Variants in PTPRT observed in about 807,000 individuals in gnomAD.
PTPRT encodes protein tyrosine phosphatase receptor type T.
In PTPRT, 56 loss-of-function variants were observed where a neutral mutation model predicts 176.8. The observed-to-expected ratio is 0.32, with a 90% CI of 0.26 to 0.40. PTPRT has a LOEUF of 0.40. Among genes scored for constraint, PTPRT ranks in the 10% least tolerant of loss-of-function variants. The probability of loss-of-function intolerance (pLI) is 1.00; values close to 1 mark genes in which losing one functional copy is unlikely to be tolerated. For missense variants in PTPRT, 1,540 were observed against 1,908.2 expected (o/e 0.81, Z 3.60); for synonymous variants, 783 against 739.0 (o/e 1.06, Z -0.96).
At chr20:43,012,255 C>A (rs764339587) in intron 1 of PTPRT, among the ~76,000 whole-genome samples, 2 of 152,110 alleles carry the variant, frequency 1.3e-5, no homozygotes, top group African/African-American at 2.4e-5. Flanking sequence ...TAAAAAGCAA[C>A]AAAATTCTCA....
intron 1 of PTPRT, among the ~76,000 whole-genome samples, chr20:42,944,857 T>C (rs1328653458): frequency 6.6e-6 from 1 of 152,184 alleles, no homozygotes; most frequent in Non-Finnish European, 1.5e-5. Flanking sequence ...CCCAGTGGTA[T>C]ATATGCTTCA....
At chr20:43,094,149 G>A (rs182500724) in intron 1 of PTPRT, among the ~76,000 whole-genome samples, 160 of 146,426 alleles carry the variant, frequency 1.1e-3, no homozygotes, top group African/African-American at 3.9e-3. Context: ...GTGCAGTGGC[G>A]CGATCTAGGC....
At chr20:42,717,738 A>G (rs1298607960) in intron 6 of PTPRT, among the ~76,000 whole-genome samples, 4 of 152,228 alleles carry the variant, frequency 2.6e-5, no homozygotes, top group Non-Finnish European at 4.4e-5. Flanking sequence ...AAGAAAAAGG[A>G]TATTTATGAT....
intron 1 of PTPRT, among the ~76,000 whole-genome samples, chr20:43,186,542 G>A (rs2015397205): frequency 6.6e-6 from 1 of 152,206 alleles, no homozygotes; most frequent in African/African-American, 2.4e-5. Context: ...AAAGGTGACA[G>A]CTATACGACT....
chr20:42,297,268 C>T (rs1325522975), intron 12 of PTPRT, among the ~76,000 whole-genome samples: 1 of 152,100 alleles, frequency 6.6e-6, no homozygotes, highest in Non-Finnish European at 1.5e-5. Context: ...AAAACCAATA[C>T]TCAGAGGACA....
rs55810008 is a variant in PTPRT, at chr20:42,915,771, T to C, written c.89-29839A>G. On this transcript the variant is annotated intron_variant, in intron 1 of 30. Transcript: ENST00000373187. The stretch of plus-strand genomic sequence containing the variant: ...CACACACAGCTAATTTTTTGTATTT[T>C]TTTTTTCTGTAGATACAGGGTTTTG... Among the ~76,000 whole-genome samples the C allele has an allele frequency of 1.5e-3, 226 of 152,142 alleles. 1 individual carries two copies. Among genetic ancestry groups the C allele is most frequent in the African/African-American group, 5.3e-3 (221 of 41,512 alleles).
chr20:42,610,508 C>CCATG (rs1160477423), intron 7 of PTPRT, among the ~76,000 whole-genome samples: 1 of 151,918 alleles, frequency 6.6e-6, no homozygotes, highest in Non-Finnish European at 1.5e-5. Flanking sequence ...GCGTGAGCCA[C>CCATG]CATGCCTGAC....
At chr20:42,850,372 C>G (rs983869962) in intron 2 of PTPRT, among the ~76,000 whole-genome samples, 1 of 152,204 alleles carries the variant, frequency 6.6e-6, no homozygotes, top group African/African-American at 2.4e-5. Context: ...ATTACTAACT[C>G]TGTCATTTTA....
chr20:43,125,143 G>A (rs944870577), intron 1 of PTPRT, among the ~76,000 whole-genome samples: 1 of 148,964 alleles, frequency 6.7e-6, no homozygotes, highest in Non-Finnish European at 1.5e-5. Flanking sequence ...TTACAGGCAT[G>A]TGCCGCCACA....
chr20:42,558,725 T>C (rs1308008907), intron 7 of PTPRT, among the ~76,000 whole-genome samples: 2 of 152,106 alleles, frequency 1.3e-5, no homozygotes, highest in African/African-American at 4.8e-5. Context: ...CAGTACCGGC[T>C]TAGAGTTACT....
intron 11 of PTPRT, among the ~76,000 whole-genome samples, chr20:42,317,037 A>C: frequency 6.6e-6 from 1 of 150,718 alleles, no homozygotes. Flanking sequence ...CCCCCACCCC[A>C]TACTGCCCAG....
At position 42,879,034 on chromosome 20, in the gene PTPRT, A is replaced by C. The variant is rs150465034; in HGVS notation, c.214+6773T>G. Among the ~76,000 whole-genome samples the C allele has an allele frequency of 2.1e-3, 321 of 152,252 alleles. 2 individuals are homozygous for C. Among genetic ancestry groups the C allele is most frequent in the African/African-American group, 7.4e-3 (307 of 41,516 alleles). ...ACCGAGCGAGACTCCATCTCAAAAAAACAAAACAAAACAAAAAAACAGAAG... is the reference window on the plus strand; with the variant it reads ...ACCGAGCGAGACTCCATCTCAAAAACACAAAACAAAACAAAAAAACAGAAG... On this transcript the variant is annotated intron_variant, in intron 2 of 30. Transcript: ENST00000373187.
chr20:42,760,526 C>T (rs1311289028), intron 5 of PTPRT, among the ~76,000 whole-genome samples: 1 of 151,880 alleles, frequency 6.6e-6, no homozygotes, highest in Non-Finnish European at 1.5e-5. Context: ...TAAATCACTC[C>T]GTAGCTGAGC....
At chr20:42,477,334 C>A (rs191301173) in intron 7 of PTPRT, among the ~76,000 whole-genome samples, 17 of 152,174 alleles carry the variant, frequency 1.1e-4, no homozygotes, top group African/African-American at 3.9e-4. Context: ...ACTCCACAGT[C>A]CTTGTTCTGT....
chr20:43,074,504 T>TA (rs1356126422), intron 1 of PTPRT, among the ~76,000 whole-genome samples: 23 of 152,344 alleles, frequency 1.5e-4, no homozygotes, highest in Non-Finnish European at 1.0e-4. Flanking sequence ...AGTCCTCATG[T>TA]AATCCTTGGC....
chr20:42,302,741 T>G (rs941853033), intron 12 of PTPRT, among the ~76,000 whole-genome samples: 5 of 152,118 alleles, frequency 3.3e-5, no homozygotes, highest in African/African-American at 4.8e-5. Context: ...AAATAATTGG[T>G]GGGTTTTTGG....
intron 9 of PTPRT, among the ~76,000 whole-genome samples, chr20:42,437,007 A>C (rs2059267833): frequency 6.6e-6 from 1 of 152,222 alleles, no homozygotes; most frequent in East Asian, 1.9e-4. Context: ...CAAGTAGCAA[A>C]ACTATATAAA....
At position 42,330,503 on chromosome 20, in the gene PTPRT, T is replaced by A. The variant is rs1306663089; in HGVS notation, c.1866-14507A>T. On this transcript the variant is annotated intron_variant, in intron 11 of 30. Coordinates refer to ENST00000373187, the MANE Select transcript of PTPRT (RefSeq NM_007050.6). ...AAAAATAAAATAAATAAAAAATAAT[T>A]AAAATATCCACTAGCCAACAGCTCT... Among the ~76,000 whole-genome samples the A allele has an allele frequency of 2.0e-5, 3 of 151,360 alleles. No homozygotes were observed. In the East Asian group the frequency reaches 5.8e-4, roughly 29 times the overall value.
At chr20:42,482,309 C>G (rs1472099565) in intron 7 of PTPRT, among the ~76,000 whole-genome samples, 2 of 152,166 alleles carry the variant, frequency 1.3e-5, no homozygotes, top group East Asian at 3.9e-4. Context: ...CCTTTCACCA[C>G]ACATGCACAC....
Sources: allele counts gnomAD v4.1 joint callset (sites outside exome capture counted in the v4.1 genomes callset), GRCh38; gene constraint gnomAD v4.1.1; transcripts MANE v1.5; gene names NCBI Gene and HGNC (gene_info 2026-07-23, HGNC 2026-07-21).